The following SMIM35 variants were observed in gnomAD, a reference collection of about 807,000 sequenced individuals.
SMIM35 encodes small integral membrane protein 35.
At chr11:118,043,789 A>C (rs1783855) in intron 1 of SMIM35, among the ~76,000 whole-genome samples, 115,172 of 145,852 alleles carry the variant, frequency 0.79, 45,820 homozygotes, top group South Asian at 0.87. Context: ...GGCGACAGAG[A>C]GAAACTCCAT....
chr11:118,051,223 A>G (rs1216264630), intron 1 of SMIM35, among the ~76,000 whole-genome samples: 1 of 152,136 alleles, frequency 6.6e-6, no homozygotes, highest in Non-Finnish European at 1.5e-5. Context: ...TTCTCTGTGG[A>G]TTTATAACAA....
chr11:118,074,986 C>T (rs536239127), intron 1 of SMIM35, among the ~76,000 whole-genome samples: 130 of 152,332 alleles, frequency 8.5e-4, no homozygotes, highest in Non-Finnish European at 1.7e-3. Flanking sequence ...CATCATCCCT[C>T]CAACCAGCCA....
intron 1 of SMIM35, among the ~76,000 whole-genome samples, chr11:118,085,278 C>T (rs1945460581): frequency 6.7e-6 from 1 of 148,436 alleles, no homozygotes; most frequent in Non-Finnish European, 1.5e-5. Context: ...GGCTGGAGTA[C>T]AGTGGCAGGA....
At chr11:118,078,642 T>G (rs1565404075) in intron 1 of SMIM35, among the ~76,000 whole-genome samples, 1 of 151,630 alleles carries the variant, frequency 6.6e-6, no homozygotes, top group Non-Finnish European at 1.5e-5. Flanking sequence ...AGCTGTGGAG[T>G]CTACCTAGCT....
intron 4 of SMIM35, among the ~76,000 whole-genome samples, chr11:118,012,549 C>T (rs1033801287): frequency 2.6e-5 from 4 of 152,338 alleles, no homozygotes; most frequent in African/African-American, 7.2e-5. Context: ...CCCACTCCCC[C>T]GTGCCCAGCC....
intron 1 of SMIM35, among the ~76,000 whole-genome samples, chr11:118,057,002 T>C (rs1456654013): frequency 6.6e-6 from 1 of 151,884 alleles, no homozygotes; most frequent in Non-Finnish European, 1.5e-5. Context: ...GTGACAAAGG[T>C]TGGCCGCTCA....
At chr11:118,073,749 T>C (rs1944611216) in intron 1 of SMIM35, among the ~76,000 whole-genome samples, 1 of 152,170 alleles carries the variant, frequency 6.6e-6, no homozygotes, top group African/African-American at 2.4e-5. Flanking sequence ...GCCTTGGACC[T>C]CCCCCATGGA....
chr11:118,077,224 T>C, intron 1 of SMIM35: 1 of 1,552,346 alleles, frequency 6.4e-7, no homozygotes, highest in Non-Finnish European at 8.7e-7. Context: ...AGGACCTGTG[T>C]GGGGAGGCCC....
chr11:118,052,332 G>A (rs963566934), intron 1 of SMIM35, among the ~76,000 whole-genome samples: 4 of 146,730 alleles, frequency 2.7e-5, no homozygotes, highest in Non-Finnish European at 5.9e-5. Flanking sequence ...AGGGAAGTGG[G>A]TGGTTTGCTG....
chr11:118,037,421 A>G (rs2508452), intron 1 of SMIM35, among the ~76,000 whole-genome samples: 147,605 of 152,268 alleles, frequency 0.97, 71,682 homozygotes, highest in East Asian at 1. Flanking sequence ...AGGTCCTAAG[A>G]AGGGGAGAAT....
intron 1 of SMIM35, among the ~76,000 whole-genome samples, chr11:118,050,121 C>T (rs1004923956): frequency 6.6e-6 from 1 of 152,228 alleles, no homozygotes; most frequent in African/African-American, 2.4e-5. Context: ...ACACCAGTTG[C>T]ACAATCTCAG....
intron 1 of SMIM35, among the ~76,000 whole-genome samples, chr11:118,030,831 G>C (rs1480720723): frequency 6.6e-6 from 1 of 152,002 alleles, no homozygotes; most frequent in Non-Finnish European, 1.5e-5. Flanking sequence ...GATTAGGAGG[G>C]CATCCATGGC....
intron 1 of SMIM35, among the ~76,000 whole-genome samples, chr11:118,037,476 G>T (rs1943920022): frequency 6.6e-6 from 1 of 152,182 alleles, no homozygotes; most frequent in East Asian, 1.9e-4. Context: ...CCGGTGTTTT[G>T]AAGCTCCCCT....
chr11:118,034,520 C>T (rs958942668), intron 1 of SMIM35, among the ~76,000 whole-genome samples: 3 of 152,138 alleles, frequency 2.0e-5, no homozygotes, highest in Non-Finnish European at 4.4e-5. Context: ...CTCAGGAGTT[C>T]AAGACCAGCC....
At chr11:118,066,514 G>T (rs186694901) in intron 1 of SMIM35, among the ~76,000 whole-genome samples, 1 of 152,228 alleles carries the variant, frequency 6.6e-6, no homozygotes, top group Non-Finnish European at 1.5e-5. Flanking sequence ...AAAGTTCTTT[G>T]ATCTCTGTCA....
chr11:118,052,407 T>A (rs1944231693), intron 1 of SMIM35, among the ~76,000 whole-genome samples: 1 of 152,118 alleles, frequency 6.6e-6, no homozygotes, highest in Non-Finnish European at 1.5e-5. Flanking sequence ...GTGGAAGATG[T>A]GTCTCCCACG....
intron 1 of SMIM35, among the ~76,000 whole-genome samples, chr11:118,077,468 G>A (rs986388457): frequency 3.3e-5 from 5 of 152,172 alleles, no homozygotes; most frequent in South Asian, 2.1e-4. Flanking sequence ...CCCGGTACAC[G>A]TCTCATACCC....
rs2058117764 is a variant in SMIM35, at chr11:118,005,667, C to T, written c.*743G>A. 6.6e-6 allele frequency: 1 copy of T among 152,462 alleles called. No individual in the cohort carries two copies. The highest frequency in any genetic ancestry group is 1.5e-5 in the Non-Finnish European group (1 of 68,094). The allele number at this position is 152,462 out of a possible 1,614,324, so 9.4% of individuals were successfully genotyped here. On this transcript the variant is annotated 3_prime_UTR_variant, in exon 5 of 5. Coordinates refer to ENST00000689828, the MANE Select transcript of SMIM35 (RefSeq NM_001394165.1). ...CAAACTCCTTAGTAAGTCCTATCAGCTCTACCTTCCAGATAGATGGTGAAT... is the reference window on the plus strand; with the variant it reads ...CAAACTCCTTAGTAAGTCCTATCAGTTCTACCTTCCAGATAGATGGTGAAT...
At chr11:118,040,652 C>A (rs597820) in intron 1 of SMIM35, among the ~76,000 whole-genome samples, 78,445 of 150,924 alleles carry the variant, frequency 0.52, 20,665 homozygotes, top group East Asian at 0.75. Flanking sequence ...CGTACACACA[C>A]AAAAAAAAGG....
Sources: allele counts gnomAD v4.1 joint callset (sites outside exome capture counted in the v4.1 genomes callset), GRCh38; gene constraint gnomAD v4.1.1; transcripts MANE v1.5; gene names NCBI Gene and HGNC (gene_info 2026-07-23, HGNC 2026-07-21).